Variants in SAV1 observed in about 807,000 individuals in gnomAD.
The protein encoded by SAV1 is protein salvador homolog 1.
In SAV1, 23 loss-of-function variants were observed where a neutral mutation model predicts 47.3. That is an observed-to-expected ratio of 0.49 (90% CI 0.35 to 0.69). The LOEUF (loss-of-function observed/expected upper bound fraction) is 0.69. Among genes scored for constraint, SAV1 ranks in the 30% least tolerant of loss-of-function variants. The pLI is 0.01. For synonymous variants in SAV1, 155 were observed against 159.2 expected (o/e 0.97, Z 0.20); for missense variants, 448 against 457.4 (o/e 0.98, Z 0.19).
At position 50,644,790 on chromosome 14, in the gene SAV1, C is replaced by G. The variant is rs1197601255; in HGVS notation, c.760G>C (p.Asp254His). ...TATTGGGCCTTCTTATTTGTGTGAT[C>G]TACATAATAGGTTCCAAATTCGGAT... The part of the protein sequence containing the change: ...ESSEFGTYYV[D>H]HTNKKAQYRH... Residue 254 changes from aspartate (D) to histidine (H), a missense_variant, in exon 3 of 5, where the codon GAT becomes CAT. By Grantham distance (81) the Asp-to-His change is moderately conservative. Transcript: ENST00000324679. 1.2e-6 allele frequency: 2 copies of G among 1,613,982 alleles called. No individual in the cohort carries two copies. The highest frequency in any genetic ancestry group is 8.5e-7 in the Non-Finnish European group (1 of 1,180,006).
At position 50,661,012 on chromosome 14, in the gene SAV1, C is replaced by T. The variant is rs554151925; in HGVS notation, c.535+4167G>A. On this transcript the variant is annotated intron_variant, in intron 2 of 4. Transcript: ENST00000324679. ...CCGGATCATATGGTAGTTCTGTTTT[C>T]GGTTTTCTGAGAAATTTCCAAACTG... Among the ~76,000 whole-genome samples the T allele has an allele frequency of 2.6e-5, 4 of 152,300 alleles. No homozygotes were observed. The East Asian group carries it at 7.7e-4, about 29-fold the overall frequency.
intron 3 of SAV1, among the ~76,000 whole-genome samples, chr14:50,643,265 C>A (rs2039694762): frequency 6.6e-6 from 1 of 152,060 alleles, no homozygotes; most frequent in African/African-American, 2.4e-5. Context: ...TCTATTTTCA[C>A]AATGTTATAA....
chr14:50,660,356 ATCC>A (rs1032166777), intron 2 of SAV1, among the ~76,000 whole-genome samples: 14 of 152,046 alleles, frequency 9.2e-5, no homozygotes, highest in African/African-American at 3.4e-4. Flanking sequence ...AACATTTCCC[ATCC>A]TCCTTACTCA....
chr14:50,647,048 C>T (rs1442325086), intron 2 of SAV1, among the ~76,000 whole-genome samples: 2 of 151,882 alleles, frequency 1.3e-5, no homozygotes, highest in South Asian at 4.2e-4. Flanking sequence ...CATCCATATG[C>T]AAAAAACCTA....
chr14:50,645,724 T>C (rs2039716259), intron 2 of SAV1, among the ~76,000 whole-genome samples: 1 of 151,590 alleles, frequency 6.6e-6, no homozygotes, highest in African/African-American at 2.4e-5. Flanking sequence ...ATTTGACATT[T>C]CAGCTTTAAA....
chr14:50,656,180 AAAC>A (rs1047805757), intron 2 of SAV1, among the ~76,000 whole-genome samples: 4 of 152,246 alleles, frequency 2.6e-5, no homozygotes, highest in African/African-American at 4.8e-5. Flanking sequence ...TCTTACATTT[AAAC>A]AACATTAGGT....
At chr14:50,649,192 A>G (rs2039747455) in intron 2 of SAV1, among the ~76,000 whole-genome samples, 1 of 152,322 alleles carries the variant, frequency 6.6e-6, no homozygotes, top group Non-Finnish European at 1.5e-5. Flanking sequence ...AAATGTTTCA[A>G]TGAAGCTTAT....
chr14:50,665,318 T>A lies in SAV1; in HGVS notation c.396A>T (p.Arg132=), dbSNP rs1389884896. The A allele has an allele frequency of 6.2e-7, 1 of 1,613,650 alleles. No homozygotes were observed. The highest frequency in any genetic ancestry group is 1.3e-5 in the African/African-American group (1 of 74,866). The change falls in exon 2 of 5, where the codon CGA becomes CGT. Residue 132 remains arginine (R), a synonymous_variant. Coordinates refer to ENST00000324679, the MANE Select transcript of SAV1 (RefSeq NM_021818.4). The part of the protein sequence containing the change: ...FAVENGDSGS[R]YYYSDNFFDG... Reference sequence around the variant, plus strand: ...CAAAAAAATTGTCTGAATAATAATATCGGGAACCAGAGTCTCCATTTTCAA... The same window carrying A: ...CAAAAAAATTGTCTGAATAATAATAACGGGAACCAGAGTCTCCATTTTCAA...
At chr14:50,652,974 T>C (rs1299079223) in intron 2 of SAV1, among the ~76,000 whole-genome samples, 1 of 151,724 alleles carries the variant, frequency 6.6e-6, no homozygotes, top group Non-Finnish European at 1.5e-5. Context: ...GAGGTTGCAA[T>C]GAGCCAAGAT....
At chr14:50,667,020 A>C (rs894760826) in intron 1 of SAV1, among the ~76,000 whole-genome samples, 4 of 152,114 alleles carry the variant, frequency 2.6e-5, no homozygotes, top group Admixed American at 2.0e-4. Context: ...GCTTCCAAGA[A>C]GGAAACTTAA....
intron 2 of SAV1, among the ~76,000 whole-genome samples, chr14:50,645,617 T>C (rs965218974): frequency 6.6e-6 from 1 of 152,078 alleles, no homozygotes; most frequent in Non-Finnish European, 1.5e-5. Flanking sequence ...CCTAAGCATT[T>C]TGGGGTAAGG....
rs2039764358 is a variant in SAV1 at position 50,651,037 on chromosome 14, A to G, written c.536-6023T>C. On this transcript the variant is annotated intron_variant, in intron 2 of 4. Coordinates refer to ENST00000324679, the MANE Select transcript of SAV1 (RefSeq NM_021818.4). ...ACTCTGTCTCCAAAAAAAAAAAAAG[A>G]AAGAAAGAAATGGATCTTTCAGCCA... Among the ~76,000 whole-genome samples the G allele has an allele frequency of 1.5e-5, 2 of 130,596 alleles. 1 individual carries two copies. The highest frequency in any genetic ancestry group is 5.4e-4 in the South Asian group (2 of 3,730). The allele number at this position is 130,596 out of a possible 152,430, so 85.7% of individuals were successfully genotyped here. A position where few individuals can be genotyped will look rare whatever the true frequency, so the allele number is the denominator to read the frequency against.
chr14:50,665,455 T>C lies in SAV1; in HGVS notation c.259A>G (p.Arg87Gly). The C allele has an allele frequency of 6.2e-7, 1 of 1,613,880 alleles. No homozygotes were observed. The highest frequency in any genetic ancestry group is 8.5e-7 in the Non-Finnish European group (1 of 1,179,866). The change falls in exon 2 of 5, where the codon AGA becomes GGA. Residue 87 changes from arginine to glycine, a missense_variant. Physicochemically the swap from Arg to Gly is moderately radical, Grantham distance 125. Transcript: ENST00000324679. ...GCAGATAATCTGTTGCTTTCTCTTC[T>C]CATTATTTCATGAGGTGTTCTTTGA... Reference protein sequence around the residue: ...PIQRTPHEIMRRESNRLSAPS... With the variant: ...PIQRTPHEIMGRESNRLSAPS...
chr14:50,666,383 C>A (rs1221018182), intron 1 of SAV1, among the ~76,000 whole-genome samples: 4 of 152,150 alleles, frequency 2.6e-5, no homozygotes, highest in Non-Finnish European at 5.9e-5. Flanking sequence ...TTAAGACATT[C>A]CCAGTTAGAA....
intron 2 of SAV1, among the ~76,000 whole-genome samples, chr14:50,652,220 T>C (rs1385118758): frequency 6.6e-6 from 1 of 152,232 alleles, no homozygotes; most frequent in Non-Finnish European, 1.5e-5. Flanking sequence ...GTAAATGTTG[T>C]TATGTGTATT....
intron 2 of SAV1, among the ~76,000 whole-genome samples, chr14:50,645,690 A>T (rs939617162): frequency 8.6e-6 from 1 of 116,362 alleles, no homozygotes; most frequent in African/African-American, 2.6e-5. Context: ...AAAGTGGGAA[A>T]AAGAAAATTT....
chr14:50,653,675 C>A (rs940590379), intron 2 of SAV1, among the ~76,000 whole-genome samples: 1 of 152,094 alleles, frequency 6.6e-6, no homozygotes, highest in Non-Finnish European at 1.5e-5. Context: ...TCGAGACCAT[C>A]CTGGCCAACA....
Position 50,668,235 on chromosome 14 carries a change from G to A in SAV1, c.-268C>T, listed in dbSNP as rs1478412985. The A allele has an allele frequency of 5.0e-6, 1 of 199,964 alleles. No individual in the cohort carries two copies. The highest frequency in any genetic ancestry group is 2.7e-5 in the African/African-American group (1 of 36,696). The allele number at this position is 199,964 out of a possible 1,614,324, so 12.4% of individuals were successfully genotyped here. On this transcript the variant is annotated 5_prime_UTR_variant, in exon 1 of 5. Transcript: ENST00000324679. ...GCGACGCTGCTCGGGGACGCCGTGA[G>A]GAAAGCCCAGCGACGCCGGGCCAGG...
chr14:50,657,807 T>C (rs996488272), intron 2 of SAV1, among the ~76,000 whole-genome samples: 2 of 152,202 alleles, frequency 1.3e-5, no homozygotes, highest in Admixed American at 6.5e-5. Flanking sequence ...ACACTAAACA[T>C]ATGACTTAGT....
Sources: gnomAD v4.1 joint callset for allele counts (sites outside exome capture counted in the v4.1 genomes callset) on GRCh38, gnomAD v4.1.1 for gene constraint, MANE v1.5 for transcripts, NCBI Gene and HGNC (gene_info 2026-07-23, HGNC 2026-07-21) for gene names.